BCAR3: variants seen among roughly 807,000 people sequenced by gnomAD.
BCAR3 encodes the protein BCAR3 adaptor protein, NSP family member, also known as breast cancer anti-estrogen resistance protein 3.
BCAR3 carries 37 observed loss-of-function variants against 80.1 expected under a neutral mutation model. The observed-to-expected ratio is 0.46, with a 90% CI of 0.36 to 0.61. BCAR3 has a LOEUF of 0.61. Among genes scored for constraint, BCAR3 ranks in the 20% least tolerant of loss-of-function variants. BCAR3 has a pLI of 0.00. For synonymous variants in BCAR3, 389 were observed against 418.9 expected, an observed-to-expected ratio of 0.93 and a Z score of 0.87; for missense variants, 978 against 1,068.2, an observed-to-expected ratio of 0.92 and a Z score of 1.18.
intron 2 of BCAR3, among the ~76,000 whole-genome samples, chr1:93,668,238 C>G (rs1259844355): frequency 1.3e-5 from 2 of 152,192 alleles, no homozygotes; most frequent in African/African-American, 4.8e-5. Context: ...GGTTTGCAAT[C>G]TGTTAACAAT....
chr1:93,597,593 A>G (rs1442364192), intron 3 of BCAR3, among the ~76,000 whole-genome samples: 1 of 152,272 alleles, frequency 6.6e-6, no homozygotes, highest in African/African-American at 2.4e-5. Flanking sequence ...GGTGTTAATA[A>G]GGATTAAATG....
intron 3 of BCAR3, among the ~76,000 whole-genome samples, chr1:93,705,147 C>T (rs1649789199): frequency 6.6e-6 from 1 of 152,090 alleles, no homozygotes; most frequent in African/African-American, 2.4e-5. Flanking sequence ...GGGGTGGAGT[C>T]CTGATCCAGG....
At position 93,562,246 on chromosome 1, in the gene BCAR3, G is replaced by C. The variant is rs756667714; in HGVS notation, c.2473C>G (p.Leu825Val). 3.1e-6 allele frequency: 5 copies of C among 1,613,450 alleles called. No individual in the cohort carries two copies. The highest frequency in any genetic ancestry group is 4.2e-6 in the Non-Finnish European group (5 of 1,179,612). The change falls in exon 12 of 12, where the codon CTT becomes GTT. Residue 825 changes from leucine to valine, a missense_variant. Physicochemically the swap from Leu to Val is conservative, Grantham distance 32. Transcript: ENST00000260502. ...LEPPPVKQAE[L>V] ...AAAGGTTCTCTGGAGAGTTATCAAA[G>C]CTCTGCCTGCTTTACAGGAGGAGGT...
intron 2 of BCAR3, among the ~76,000 whole-genome samples, chr1:93,756,688 G>A (rs1177106558): frequency 2.0e-5 from 3 of 152,172 alleles, no homozygotes; most frequent in African/African-American, 7.2e-5. Flanking sequence ...TAGTTCCTAA[G>A]AGGCAATATT....
intron 2 of BCAR3, among the ~76,000 whole-genome samples, chr1:93,819,302 G>T (rs1182775008): frequency 6.6e-6 from 1 of 152,186 alleles, no homozygotes; most frequent in Admixed American, 6.5e-5. Flanking sequence ...CTGACCTCGT[G>T]ATCCACCCAC....
chr1:93,599,895 C>T (rs979726352), intron 3 of BCAR3, among the ~76,000 whole-genome samples: 4 of 152,160 alleles, frequency 2.6e-5, no homozygotes, highest in South Asian at 2.1e-4. Flanking sequence ...TATCCCCATT[C>T]GAATCCCCAC....
chr1:93,786,378 C>T (rs938757001), intron 2 of BCAR3, among the ~76,000 whole-genome samples: 3 of 152,120 alleles, frequency 2.0e-5, no homozygotes, highest in Non-Finnish European at 4.4e-5. Context: ...TAGCCAAAAG[C>T]TAGCTCTAAC....
chr1:93,642,447 G>A lies in BCAR3; in HGVS notation c.318-104C>T, dbSNP rs915288280. 78 of 1,153,050 alleles carry A rather than the reference G, an allele frequency of 6.8e-5. No homozygotes were observed. The Admixed American group carries it at 1.4e-3, about 20-fold the overall frequency. 71.4% of individuals were successfully genotyped at this position (1,153,050 alleles called of 1,614,324 possible). A position where few individuals can be genotyped will look rare whatever the true frequency, so the allele number is the denominator to read the frequency against. The stretch of plus-strand genomic sequence containing the variant: ...TTCACCCTATTCACTAAGTTACTAA[G>A]CTGGGCCCCATCTCCCAGGCAGTAT... On this transcript the variant is annotated intron_variant, in intron 2 of 11. Coordinates refer to ENST00000260502, the MANE Select transcript of BCAR3 (RefSeq NM_003567.4).
chr1:93,710,625 G>C (rs543072867), intron 2 of BCAR3, among the ~76,000 whole-genome samples: 2 of 152,290 alleles, frequency 1.3e-5, no homozygotes, highest in South Asian at 4.1e-4. Flanking sequence ...CTGAACTCCT[G>C]TCGCATTGGT....
At position 93,575,793 on chromosome 1, in the gene BCAR3, C is replaced by T. The variant is rs561422240; in HGVS notation, c.1802+221G>A. Among the ~76,000 whole-genome samples the T allele has an allele frequency of 1.6e-4, 25 of 152,288 alleles. No individual in the cohort carries two copies. In the South Asian group the frequency reaches 4.4e-3, roughly 27 times the overall value. Reference sequence around the variant, plus strand: ...CCATCCACTCCTCCAGGAGCAGGGACGGGAACACATTCTTTGTTCCTGAGT... The same window carrying T: ...CCATCCACTCCTCCAGGAGCAGGGATGGGAACACATTCTTTGTTCCTGAGT... On this transcript the variant is annotated intron_variant, in intron 8 of 11. Coordinates refer to ENST00000260502, the MANE Select transcript of BCAR3 (RefSeq NM_003567.4).
At chr1:93,841,279 A>T (rs1187822750) in intron 2 of BCAR3, among the ~76,000 whole-genome samples, 1 of 152,188 alleles carries the variant, frequency 6.6e-6, no homozygotes, top group East Asian at 1.9e-4. Flanking sequence ...TTTGCTCAAG[A>T]TTGCAAGGTC....
At chr1:93,809,253 ACTC>A (rs1213773098) in intron 2 of BCAR3, among the ~76,000 whole-genome samples, 2 of 152,040 alleles carry the variant, frequency 1.3e-5, no homozygotes, top group African/African-American at 2.4e-5. Flanking sequence ...GAAGTAGCTG[ACTC>A]CTCTATCACT....
intron 2 of BCAR3, among the ~76,000 whole-genome samples, chr1:93,775,695 G>A (rs548950381): frequency 4.6e-5 from 7 of 152,270 alleles, no homozygotes; most frequent in Admixed American, 2.0e-4. Context: ...TAAAAAAGAG[G>A]AGGATGTGTA....
chr1:93,660,950 C>T (rs1188437148), intron 2 of BCAR3, among the ~76,000 whole-genome samples: 1 of 151,040 alleles, frequency 6.6e-6, no homozygotes, highest in African/African-American at 2.4e-5. Context: ...GATCTTGGCT[C>T]ACTACAACCT....
At chr1:93,663,356 G>A (rs915586614) in intron 2 of BCAR3, among the ~76,000 whole-genome samples, 4 of 152,152 alleles carry the variant, frequency 2.6e-5, no homozygotes, top group South Asian at 4.1e-4. Context: ...CCTTCCCTGG[G>A]TCTGGCTCAG....
intron 1 of BCAR3, among the ~76,000 whole-genome samples, chr1:93,675,492 G>C (rs1012309689): frequency 6.6e-6 from 1 of 152,164 alleles, no homozygotes; most frequent in Non-Finnish European, 1.5e-5. Flanking sequence ...TAGTGAACAC[G>C]GGCTAGGGTC....
At chr1:93,679,607 T>G (rs1049016766) in intron 1 of BCAR3, among the ~76,000 whole-genome samples, 1 of 152,150 alleles carries the variant, frequency 6.6e-6, no homozygotes, top group Non-Finnish European at 1.5e-5. Flanking sequence ...TATACAAAAG[T>G]CAAAGACTCT....
At chr1:93,803,304 G>C (rs1387251978) in intron 2 of BCAR3, among the ~76,000 whole-genome samples, 1 of 152,090 alleles carries the variant, frequency 6.6e-6, no homozygotes, top group African/African-American at 2.4e-5. Flanking sequence ...AGACAAAAGA[G>C]CTTTGAAAAC....
chr1:93,709,878 T>TTTCA (rs1649960936), intron 2 of BCAR3, among the ~76,000 whole-genome samples: 1 of 152,174 alleles, frequency 6.6e-6, no homozygotes. Context: ...CATGTAATTT[T>TTTCA]TTCATATCTC....
Sources: allele counts gnomAD v4.1 joint callset (sites outside exome capture counted in the v4.1 genomes callset), GRCh38; gene constraint gnomAD v4.1.1; transcripts MANE v1.5; gene names NCBI Gene and HGNC (gene_info 2026-07-23, HGNC 2026-07-21).